The following PPP1R10 variants were observed in gnomAD, a reference collection of about 807,000 sequenced individuals.
PPP1R10 encodes the protein protein phosphatase 1 regulatory subunit 10.
In PPP1R10, 15 loss-of-function variants were observed where a neutral mutation model predicts 99.0. That is an observed-to-expected ratio of 0.15 (90% confidence interval 0.10 to 0.23). The LOEUF (loss-of-function observed/expected upper bound fraction) is 0.23. Among genes scored for constraint, PPP1R10 ranks in the 10% least tolerant of loss-of-function variants. The probability of loss-of-function intolerance (pLI) is 1.00; values close to 1 mark genes in which losing one functional copy is unlikely to be tolerated. For missense variants in PPP1R10, 947 were observed against 1,259.4 expected (o/e 0.75, Z 3.75); for synonymous variants, 430 against 449.5 (o/e 0.96, Z 0.55).
rs1804313027 is a variant in PPP1R10 at position 30,609,368 on chromosome 6, C to G, written c.108-205G>C. Among the ~76,000 whole-genome samples, 1 of 152,106 alleles carries G rather than the reference C, an allele frequency of 6.6e-6. No homozygotes were observed. The highest frequency in any genetic ancestry group is 1.5e-5 in the Non-Finnish European group (1 of 68,014). ...AGAACAGAGACACCGCAGTCTCTGA[C>G]CTGGGGAGGAGAGCATCGCTGCCTC... On this transcript the variant is annotated intron_variant, in intron 3 of 19. Transcript: ENST00000376511. This position sits in a 1 kb window ranked among gnomAD's most constrained non-coding sequence, Gnocchi z 4.5.
At position 30,609,811 on chromosome 6, in the gene PPP1R10, T is replaced by C; in HGVS notation, c.107+27A>G. ...AACACACAATATTCTCTACTCACAG[T>C]GAATACAAAAAGGGGTAAAGACTCA... is the stretch of plus-strand genomic sequence containing the variant. On this transcript the variant is annotated intron_variant, in intron 3 of 19. Transcript: ENST00000376511. This position sits in a 1 kb window ranked among gnomAD's most constrained non-coding sequence, Gnocchi z 4.5. 2 of 1,553,926 alleles carry C rather than the reference T, an allele frequency of 1.3e-6. No individual in the cohort carries two copies. The highest frequency in any genetic ancestry group is 2.2e-5 in the South Asian group (2 of 89,818).
At position 30,606,290 on chromosome 6, in the gene PPP1R10, C is replaced by T; in HGVS notation, c.635-47G>A. Reference sequence around the variant, plus strand: ...GGGCAGCTGAACTCAAACCCCAGACCCCCGAATTTTCCTCCCGTTCTCACC... The same window carrying T: ...GGGCAGCTGAACTCAAACCCCAGACTCCCGAATTTTCCTCCCGTTCTCACC... On this transcript the variant is annotated intron_variant, in intron 8 of 19. Coordinates refer to ENST00000376511, the MANE Select transcript of PPP1R10 (RefSeq NM_002714.4). This position sits in a 1 kb window ranked among gnomAD's most constrained non-coding sequence, Gnocchi z 6.3. 4 of 1,602,224 alleles carry T rather than the reference C, an allele frequency of 2.5e-6. No homozygotes were observed. Among genetic ancestry groups the T allele is most frequent in the Non-Finnish European group, 3.4e-6 (4 of 1,172,014 alleles).
intron 2 of PPP1R10, among the ~76,000 whole-genome samples, chr6:30,610,902 C>G (rs1407763267): frequency 6.6e-6 from 1 of 152,202 alleles, no homozygotes; most frequent in Non-Finnish European, 1.5e-5. Flanking sequence ...AAAAGCTAAG[C>G]TCCTTTTATG....
rs368328695 is a variant in PPP1R10 at position 30,606,068 on chromosome 6, G to A, written c.741-33C>T. 1.0e-4 allele frequency: 166 copies of A among 1,612,230 alleles called. 3 individuals are homozygous for A. The highest frequency in any genetic ancestry group is 2.7e-4 in the East Asian group (12 of 44,878). On this transcript the variant is annotated intron_variant, in intron 9 of 19. Coordinates refer to ENST00000376511, the MANE Select transcript of PPP1R10 (RefSeq NM_002714.4). The surrounding 1 kb of genome is among the most constrained non-coding windows in gnomAD (Gnocchi z 6.3). ...AAGAGGAACTGTCATCAACATCTCC[G>A]ACTCACCCCCTCCTGCTCCCTTGTG...
chr6:30,601,976 CCCTCCCCCGTGGCCA>C lies in PPP1R10; in HGVS notation c.2658_2672del (p.Gly889_His893del). 1 of 1,512,266 alleles carries C rather than the reference CCCTCCCCCGTGGCCA, an allele frequency of 6.6e-7. No homozygotes were observed. The highest frequency in any genetic ancestry group is 8.8e-7 in the Non-Finnish European group (1 of 1,131,282). The allele number at this position is 1,512,266 out of a possible 1,614,324, so 93.7% of individuals were successfully genotyped here. A position where few individuals can be genotyped will look rare whatever the true frequency, so the allele number is the denominator to read the frequency against. ...GGCCTCCATCGTGCCCTCGGTGGCC[CCCTCCCCCGTGGCCA>C]GGACCATCATGGCCACGGTGCTCAT... On this transcript the variant is annotated inframe_deletion, in exon 19 of 20. Coordinates refer to ENST00000376511, the MANE Select transcript of PPP1R10 (RefSeq NM_002714.4).
chr6:30,607,895 TGA>T lies in PPP1R10; in HGVS notation c.331-6_331-5del, dbSNP rs1160819145. 1 of 1,612,962 alleles carries T rather than the reference TGA, an allele frequency of 6.2e-7. No individual in the cohort carries two copies. ...TCACCAGTTTAGCTGTGTTGTTCTA[TGA>T]GAGATGGGAGCAGCAGAAAGGTAAA... On this transcript the variant is annotated splice_polypyrimidine_tract_variant and splice_region_variant and intron_variant, in intron 5 of 19. Transcript: ENST00000376511.
Position 30,602,409 on chromosome 6 carries a change from C to G in PPP1R10, c.2240G>C (p.Gly747Ala). 1 of 1,610,942 alleles carries G rather than the reference C, an allele frequency of 6.2e-7. No individual in the cohort carries two copies. The highest frequency in any genetic ancestry group is 8.5e-7 in the Non-Finnish European group (1 of 1,178,770). Residue 747 changes from glycine (G) to alanine (A), a missense_variant, in exon 19 of 20, where the codon GGA (glycine) becomes GCA (alanine). Gly to Ala is a moderately conservative substitution (Grantham distance 60, BLOSUM62 0). Coordinates refer to ENST00000376511, the MANE Select transcript of PPP1R10 (RefSeq NM_002714.4). The surrounding 1 kb of genome is among the most constrained non-coding windows in gnomAD (Gnocchi z 6.7). ...TTCGTGAGGACGATGCCCACCACCT[C>G]CAACCATGCCCCCACCAGGGCCCCC... The part of the protein sequence containing the change: ...GRGGPGGGMV[G>A]GGGHRPHEGP...
chr6:30,606,093 G>A lies in PPP1R10; in HGVS notation c.740+45C>T. 6.2e-7 allele frequency: 1 copy of A among 1,612,614 alleles called. No individual in the cohort carries two copies. The highest frequency in any genetic ancestry group is 8.5e-7 in the Non-Finnish European group (1 of 1,178,706). Reference sequence around the variant, plus strand: ...GACTCACCCCCTCCTGCTCCCTTGTGTCCACAGATCCACCCCATTCAGAGC... The same window carrying A: ...GACTCACCCCCTCCTGCTCCCTTGTATCCACAGATCCACCCCATTCAGAGC... On this transcript the variant is annotated intron_variant, in intron 9 of 19. Transcript: ENST00000376511. The surrounding 1 kb of genome is among the most constrained non-coding windows in gnomAD (Gnocchi z 6.3).
Position 30,606,015 on chromosome 6 carries a change from T to A in PPP1R10, c.761A>T (p.Asp254Val), listed in dbSNP as rs528107082. The change falls in exon 10 of 20, where the codon GAT becomes GTT. Residue 254 changes from aspartate (D) to valine (V), a missense_variant. Transcript: ENST00000376511. This position sits in a 1 kb window ranked among gnomAD's most constrained non-coding sequence, Gnocchi z 6.3. Reference sequence around the variant, plus strand: ...TTTCTTCTCTGCAGGGGGAGTGGCATCTCCTGGAGCAGCTACGTTGCTGTC... The same window carrying A: ...TTTCTTCTCTGCAGGGGGAGTGGCAACTCCTGGAGCAGCTACGTTGCTGTC... The part of the protein sequence containing the change: ...KRQSNVAAPG[D>V]ATPPAEKKYK... The A allele has an allele frequency of 6.2e-7, 1 of 1,614,000 alleles. No homozygotes were observed. Among genetic ancestry groups the A allele is most frequent in the Non-Finnish European group, 8.5e-7 (1 of 1,179,958 alleles).
chr6:30,615,141 C>A (rs1760327352), intron 2 of PPP1R10, among the ~76,000 whole-genome samples: 1 of 151,582 alleles, frequency 6.6e-6, no homozygotes, highest in Non-Finnish European at 1.5e-5. Context: ...CGGAGGGACG[C>A]CATTTTGTAA....
chr6:30,609,782 T>C lies in PPP1R10; in HGVS notation c.107+56A>G. Reference sequence around the variant, plus strand: ...CCAGTGTGCCTCAACTGCAGCCATGTTTTAACACACAATATTCTCTACTCA... The same window carrying C: ...CCAGTGTGCCTCAACTGCAGCCATGCTTTAACACACAATATTCTCTACTCA... On this transcript the variant is annotated intron_variant, in intron 3 of 19. Transcript: ENST00000376511. The surrounding 1 kb of genome is among the most constrained non-coding windows in gnomAD (Gnocchi z 4.5). The C allele has an allele frequency of 2.7e-6, 4 of 1,484,824 alleles. No individual in the cohort carries two copies. The highest frequency in any genetic ancestry group is 3.8e-6 in the Non-Finnish European group (4 of 1,062,316). The allele number at this position is 1,484,824 out of a possible 1,614,324, so 92.0% of individuals were successfully genotyped here. A position where few individuals can be genotyped will look rare whatever the true frequency, so the allele number is the denominator to read the frequency against.
At chr6:30,605,350 T>C (rs1427456395) in intron 10 of PPP1R10, among the ~76,000 whole-genome samples, 1 of 152,178 alleles carries the variant, frequency 6.6e-6, no homozygotes, top group Non-Finnish European at 1.5e-5. Context: ...AGTGAGCCCT[T>C]GTGAACATGA....
intron 6 of PPP1R10, 71 bp downstream of exon 6, chr6:30,607,769 G>C: frequency 1.3e-6 from 2 of 1,504,508 alleles, no homozygotes; most frequent in Non-Finnish European, 1.8e-6. Context: ...CCAAGGATGG[G>C]AAAAGATATT....
At position 30,606,981 on chromosome 6, in the gene PPP1R10, TAAG is replaced by T. The variant is rs1804018579; in HGVS notation, c.383-128_383-126del. ...TAACGGAGAAAGTAACCCAAAGTTT[TAAG>T]AAGAACATGAGATATGCTTAAAAAC... On this transcript the variant is annotated intron_variant, in intron 6 of 19. Transcript: ENST00000376511. This position sits in a 1 kb window ranked among gnomAD's most constrained non-coding sequence, Gnocchi z 6.3. 7.1e-6 allele frequency: 6 copies of T among 849,432 alleles called. No homozygotes were observed. The highest frequency in any genetic ancestry group is 1.7e-5 in the African/African-American group (1 of 58,276). The allele number at this position is 849,432 out of a possible 1,614,324, so 52.6% of individuals were successfully genotyped here. A position where few individuals can be genotyped will look rare whatever the true frequency, so the allele number is the denominator to read the frequency against.
chr6:30,601,162 TCTG>T lies in PPP1R10; in HGVS notation c.*384_*386del, dbSNP rs1803274218. The T allele has an allele frequency of 1.4e-5, 3 of 212,728 alleles. No individual in the cohort carries two copies. The South Asian group carries it at 3.4e-4, about 24-fold the overall frequency. The allele number at this position is 212,728 out of a possible 1,614,324, so 13.2% of individuals were successfully genotyped here. A position where few individuals can be genotyped will look rare whatever the true frequency, so the allele number is the denominator to read the frequency against. ...AGTGCAGCTGATCCTGTGTCAGAGT[TCTG>T]TGTGCATGTGGGGACCCGCAATAGA... On this transcript the variant is annotated 3_prime_UTR_variant, in exon 20 of 20. Coordinates refer to ENST00000376511, the MANE Select transcript of PPP1R10 (RefSeq NM_002714.4).
chr6:30,608,301 CTTTTT>C (rs1190279084), intron 5 of PPP1R10, among the ~76,000 whole-genome samples: 1 of 111,732 alleles, frequency 8.9e-6, no homozygotes. Flanking sequence ...TGACACATTC[CTTTTT>C]TTTTTTTTTT....
Position 30,602,808 on chromosome 6 carries a change from G to A in PPP1R10, c.1957+38C>T. ...TATACTATTATCAGACTGAAATTAA[G>A]CAGATAAGCCCATTCCAACCTTTTA... On this transcript the variant is annotated intron_variant, in intron 18 of 19. Coordinates refer to ENST00000376511, the MANE Select transcript of PPP1R10 (RefSeq NM_002714.4). This position sits in a 1 kb window ranked among gnomAD's most constrained non-coding sequence, Gnocchi z 6.7. 3 of 1,545,512 alleles carry A rather than the reference G, an allele frequency of 1.9e-6. No individual in the cohort carries two copies. The highest frequency in any genetic ancestry group is 2.6e-6 in the Non-Finnish European group (3 of 1,139,754).
rs375763360 is a variant in PPP1R10 at position 30,602,929 on chromosome 6, A to G, written c.1874T>C (p.Ile625Thr). The G allele has an allele frequency of 9.0e-6, 14 of 1,554,280 alleles. No individual in the cohort carries two copies. The highest frequency in any genetic ancestry group is 1.2e-5 in the Non-Finnish European group (14 of 1,148,100). ...VPHGLLGPGP[I>T]ANGFPPGGPG... ...ACCCCCTGGTGGGAAACCATTGGCT[A>G]TTGGGCCAGGGCCTAGGAGTCCATG... is the stretch of plus-strand genomic sequence containing the variant. Residue 625 changes from isoleucine to threonine, a missense_variant, in exon 18 of 20, where the codon ATA becomes ACA. Around this residue, in one of 10 missense-constraint regions of PPP1R10, gnomAD observed 525 missense variants for 578.8 expected, o/e 0.91. Coordinates refer to ENST00000376511, the MANE Select transcript of PPP1R10 (RefSeq NM_002714.4). The surrounding 1 kb of genome is among the most constrained non-coding windows in gnomAD (Gnocchi z 6.7).
Position 30,616,865 on chromosome 6 carries a change from A to C in PPP1R10, c.-399T>G, listed in dbSNP as rs1458397003. On this transcript the variant is annotated 5_prime_UTR_variant, in exon 2 of 20. Transcript: ENST00000376511. ...AGATAGGTGGGAAGGGGCAGAAGAC[A>C]CAAGTGGTTGGGCTGGTGGCTGCTG... 1 of 152,308 alleles carries C rather than the reference A, an allele frequency of 6.6e-6. No homozygotes were observed. Among genetic ancestry groups the C allele is most frequent in the African/African-American group, 2.4e-5 (1 of 41,424 alleles). 9.4% of individuals were successfully genotyped at this position (152,308 alleles called of 1,614,324 possible). A position where few individuals can be genotyped will look rare whatever the true frequency, so the allele number is the denominator to read the frequency against.
Sources: gnomAD v4.1 joint callset for allele counts (sites outside exome capture counted in the v4.1 genomes callset) on GRCh38, gnomAD v4.1.1 for gene constraint, gnomAD v4.1.1 regional missense constraint, Gnocchi (gnomAD v3.1) non-coding constraint, MANE v1.5 for transcripts, NCBI Gene and HGNC (gene_info 2026-07-23, HGNC 2026-07-21) for gene names.